NDUFAF6: variants seen among roughly 807,000 people sequenced by gnomAD.
NDUFAF6 encodes NADH:ubiquinone oxidoreductase complex assembly factor 6, also known as NADH dehydrogenase (ubiquinone) complex I, assembly factor 6.
NDUFAF6 carries 45 observed loss-of-function variants against 40.8 expected under a neutral mutation model. The observed-to-expected ratio is 1.10, with a 90% CI of 0.87 to 1.42. The LOEUF is 1.42. Ranked by LOEUF, NDUFAF6 falls within the 40% of genes most tolerant of loss-of-function variation. NDUFAF6 has a pLI of 0.00. For missense variants in NDUFAF6, 435 were observed against 418.5 expected, an observed-to-expected ratio of 1.04 and a Z score of -0.34; for synonymous variants, 185 against 155.9, an observed-to-expected ratio of 1.19 and a Z score of -1.39.
At chr8:95,076,402 T>G (rs1833017763), downstream of NDUFAF6, among the ~76,000 whole-genome samples, 1 of 152,192 alleles carries the variant, frequency 6.6e-6, no homozygotes, top group African/African-American at 2.4e-5. Context: ...CACTTTGCCC[T>G]GGTCGTGCCA....
At chr8:94,913,551 C>G (rs1044122329) in intron 1 of NDUFAF6, among the ~76,000 whole-genome samples, 2 of 152,184 alleles carry the variant, frequency 1.3e-5, no homozygotes, top group South Asian at 4.1e-4. Flanking sequence ...AATCCCAACA[C>G]TTTGGGAGGC....
chr8:95,023,998 A>T (rs1220511223), upstream of NDUFAF6, among the ~76,000 whole-genome samples: 1 of 152,060 alleles, frequency 6.6e-6, no homozygotes, highest in Non-Finnish European at 1.5e-5. Context: ...TCAAAAAAAA[A>T]AAAAAAAGTT....
At chr8:95,086,016 CA>C (rs1237024523) in intron 2 of NDUFAF6, among the ~76,000 whole-genome samples, 1 of 152,178 alleles carries the variant, frequency 6.6e-6, no homozygotes, top group Admixed American at 6.5e-5. Flanking sequence ...ATTATCCTGT[CA>C]CATGATCCAC....
chr8:94,901,229 A>T (rs1206770305), intron 1 of NDUFAF6, among the ~76,000 whole-genome samples: 1 of 152,144 alleles, frequency 6.6e-6, no homozygotes, highest in Non-Finnish European at 1.5e-5. Flanking sequence ...CAAGGGAGTG[A>T]TGGGAAGGAG....
chr8:94,981,026 TC>T (rs1825400076), intron 2 of NDUFAF6: 1 of 455,372 alleles, frequency 2.2e-6, no homozygotes, highest in South Asian at 1.6e-5. Context: ...AGAGGCTCTT[TC>T]CCCCACCCCA....
At chr8:94,929,213 AT>A (rs1320218556) in intron 1 of NDUFAF6, 1 of 152,326 alleles carries the variant, frequency 6.6e-6, no homozygotes, top group Non-Finnish European at 1.5e-5. Flanking sequence ...GGCCCTTGGA[AT>A]TTCCTACAAG....
At chr8:94,919,078 G>A (rs1819325623) in intron 1 of NDUFAF6, among the ~76,000 whole-genome samples, 1 of 152,138 alleles carries the variant, frequency 6.6e-6, no homozygotes, top group Non-Finnish European at 1.5e-5. Context: ...TGAAATACAT[G>A]TTATTTCCAG....
intron 9 of NDUFAF6, among the ~76,000 whole-genome samples, chr8:95,071,404 A>G (rs1475525004): frequency 1.0e-4 from 1 of 9,544 alleles, no homozygotes; most frequent in Non-Finnish European, 2.1e-4. Flanking sequence ...TCTCCAAAAG[A>G]AAAAAAAAAA....
chr8:95,060,361 G>A (rs1386177370), downstream of NDUFAF6, among the ~76,000 whole-genome samples: 1 of 152,162 alleles, frequency 6.6e-6, no homozygotes, highest in Non-Finnish European at 1.5e-5. Flanking sequence ...TGTTGAATAA[G>A]TGGATAGCAG....
chr8:95,115,725 A>G (rs1167120238), exon 5 of NDUFAF6: 6 of 152,222 alleles, frequency 3.9e-5, no homozygotes, highest in Admixed American at 6.5e-5. Flanking sequence ...GAGGGTCTTT[A>G]CGCAGCTTCA....
intron 2 of NDUFAF6, among the ~76,000 whole-genome samples, chr8:95,014,175 A>G (rs1328552950): frequency 1.3e-5 from 2 of 152,190 alleles, no homozygotes; most frequent in African/African-American, 4.8e-5. Flanking sequence ...AGACACCCCA[A>G]TTTGTGGTGC....
At chr8:95,078,662 A>AAATATAT (rs545018367), downstream of NDUFAF6, 107 of 121,036 alleles carry the variant, frequency 8.8e-4, 1 homozygote, top group South Asian at 4.4e-3. Flanking sequence ...AAAAAAAAAA[A>AAATATAT]ATATATATAT....
intron 4 of NDUFAF6, among the ~76,000 whole-genome samples, chr8:95,044,146 T>C (rs1830456134): frequency 6.6e-6 from 1 of 152,174 alleles, no homozygotes; most frequent in African/African-American, 2.4e-5. Context: ...TATTATACGA[T>C]TCCATTTGTA....
chr8:94,983,253 A>ATT (rs1435007905), intron 2 of NDUFAF6, among the ~76,000 whole-genome samples: 4 of 110,310 alleles, frequency 3.6e-5, no homozygotes, highest in African/African-American at 1.4e-4. Flanking sequence ...TATCTTTGCT[A>ATT]TTCTTTTTTT....
chr8:94,976,785 A>G (rs1263557690), intron 1 of NDUFAF6, among the ~76,000 whole-genome samples: 1 of 152,178 alleles, frequency 6.6e-6, no homozygotes, highest in Non-Finnish European at 1.5e-5. Flanking sequence ...CAGATTTGCA[A>G]GGTGAAGAAG....
chr8:95,082,492 T>C (rs1216525008), intron 2 of NDUFAF6, among the ~76,000 whole-genome samples: 2 of 149,752 alleles, frequency 1.3e-5, no homozygotes, highest in Non-Finnish European at 2.9e-5. Context: ...AGGTACTTAA[T>C]ACACTGTATG....
intron 1 of NDUFAF6, among the ~76,000 whole-genome samples, chr8:94,942,790 G>A (rs768782869): frequency 3.9e-5 from 6 of 152,190 alleles, no homozygotes; most frequent in Non-Finnish European, 8.8e-5. Flanking sequence ...GAGGAAGGGG[G>A]CAAAGGAACA....
downstream of NDUFAF6, among the ~76,000 whole-genome samples, chr8:95,079,586 A>T (rs1044579094): frequency 6.6e-6 from 1 of 152,232 alleles, no homozygotes; most frequent in African/African-American, 2.4e-5. Context: ...AAGAAGATTC[A>T]GTGAGAAAAC....
chr8:95,016,622 G>A lies in NDUFAF6; in HGVS notation c.-83-15373G>A, dbSNP rs544816028. ...CTGGGCCTGGTGGCGTGTGCCTGTA[G>A]TCCCAGCTACTTGGGAGGCTGAGGC... is the stretch of plus-strand genomic sequence containing the variant. On this transcript the variant is annotated intron_variant, in intron 2 of 9. Transcript: ENST00000396111. Among the ~76,000 whole-genome samples, 3 of 152,238 alleles carry A rather than the reference G, an allele frequency of 2.0e-5. No homozygotes were observed. The South Asian group carries it at 6.2e-4, about 32-fold the overall frequency.
Sources: allele counts gnomAD v4.1 joint callset (sites outside exome capture counted in the v4.1 genomes callset), GRCh38; gene constraint gnomAD v4.1.1; transcripts MANE v1.5; gene names NCBI Gene and HGNC (gene_info 2026-07-23, HGNC 2026-07-21).